RAPGEF5: variants seen among roughly 807,000 people sequenced by gnomAD.
RAPGEF5 encodes Rap guanine nucleotide exchange factor 5.
RAPGEF5 carries 65 observed loss-of-function variants against 125.2 expected under a neutral mutation model. The observed-to-expected ratio is 0.52, with a 90% CI of 0.43 to 0.64. RAPGEF5 has a LOEUF of 0.64. Among genes scored for constraint, RAPGEF5 ranks in the 30% least tolerant of loss-of-function variants. The pLI is 0.00. For synonymous variants in RAPGEF5, 391 were observed against 385.9 expected, an observed-to-expected ratio of 1.01 and a Z score of -0.16; for missense variants, 958 against 1,048.1, an observed-to-expected ratio of 0.91 and a Z score of 1.19.
rs555443369 is a variant in RAPGEF5, at chr7:22,200,587, T to A, written c.997-6554A>T. 9.2e-5 allele frequency among the ~76,000 whole-genome samples: 14 copies of A among 152,344 alleles called. No individual in the cohort carries two copies. In the East Asian group the frequency reaches 2.7e-3, roughly 29 times the overall value. The stretch of plus-strand genomic sequence containing the variant: ...AAGATTAATAGGATTCATCATCATT[T>A]ATAAAATCTAGGTAAAGTCTGACTT... On this transcript the variant is annotated intron_variant, in intron 9 of 25. Transcript: ENST00000665637.
At chr7:22,150,875 T>A (rs926585901) in intron 17 of RAPGEF5, among the ~76,000 whole-genome samples, 4 of 152,236 alleles carry the variant, frequency 2.6e-5, no homozygotes, top group Admixed American at 1.3e-4. Flanking sequence ...TATAACCATG[T>A]ATATATATAC....
chr7:22,151,301 G>A (rs1042174713), intron 17 of RAPGEF5, among the ~76,000 whole-genome samples: 10 of 151,970 alleles, frequency 6.6e-5, no homozygotes, highest in Admixed American at 6.6e-4. Context: ...CAGACACCCA[G>A]TATTAGAATT....
chr7:22,349,745 C>A (rs1479740776), intron 1 of RAPGEF5, among the ~76,000 whole-genome samples: 3 of 152,182 alleles, frequency 2.0e-5, no homozygotes, highest in African/African-American at 7.2e-5. Context: ...ATGTTGTTAT[C>A]CTTTCAAAGT....
intron 6 of RAPGEF5, among the ~76,000 whole-genome samples, chr7:22,276,074 A>T (rs113582433): frequency 3.3e-5 from 5 of 152,352 alleles, no homozygotes; most frequent in African/African-American, 9.6e-5. Context: ...GAATTTCCTG[A>T]TAAATAAAAA....
At chr7:22,176,025 A>G (rs186816438) in intron 11 of RAPGEF5, among the ~76,000 whole-genome samples, 12 of 152,280 alleles carry the variant, frequency 7.9e-5, no homozygotes, top group African/African-American at 2.9e-4. Flanking sequence ...GGTAATCTAT[A>G]AAGGAAAGAC....
At position 22,140,060 on chromosome 7, in the gene RAPGEF5, T is replaced by C; in HGVS notation, c.2242A>G (p.Thr748Ala). 5 of 1,569,250 alleles carry C rather than the reference T, an allele frequency of 3.2e-6. No homozygotes were observed. The highest frequency in any genetic ancestry group is 4.3e-6 in the Non-Finnish European group (5 of 1,156,702). ...TGCGACAGTCGACTGACAGAAGCAG[T>C]GTTGAGACCCATCACAATGGCAAAG... ...SFFAIVMGLN[T>A]ASVSRLSQTW... is the part of the protein sequence containing the mutation. Residue 748 changes from threonine (T) to alanine (A), a missense_variant, in exon 21 of 26, where the codon ACT (threonine) becomes GCT (alanine). Thr to Ala is a moderately conservative substitution (Grantham distance 58). Transcript: ENST00000665637.
At position 22,121,204 on chromosome 7, in the gene RAPGEF5, G is replaced by C. The variant is rs1477132953; in HGVS notation, c.*1202C>G. 1.7e-5 allele frequency: 2 copies of C among 116,606 alleles called. No homozygotes were observed. The highest frequency in any genetic ancestry group is 6.5e-5 in the African/African-American group (2 of 30,738). 7.2% of individuals were successfully genotyped at this position (116,606 alleles called of 1,614,324 possible). A position where few individuals can be genotyped will look rare whatever the true frequency, so the allele number is the denominator to read the frequency against. On this transcript the variant is annotated 3_prime_UTR_variant, in exon 26 of 26. Transcript: ENST00000665637. ...CAATTGGTAAAAATGGGAATAATAA[G>C]ATTTTAGAAGACTCAGATTTTGAAA...
intron 1 of RAPGEF5, among the ~76,000 whole-genome samples, chr7:22,331,744 C>CAAAAAAAA (rs11406166): frequency 5.3e-5 from 5 of 94,732 alleles, no homozygotes; most frequent in East Asian, 6.0e-4. Flanking sequence ...GACTCCATCT[C>CAAAAAAAA]AAAAAAAAAA....
intron 11 of RAPGEF5, among the ~76,000 whole-genome samples, chr7:22,179,896 C>T (rs1784622231): frequency 6.6e-6 from 1 of 152,212 alleles, no homozygotes; most frequent in Non-Finnish European, 1.5e-5. Context: ...GAATAACCCA[C>T]CCCTTGTTTA....
intron 11 of RAPGEF5, among the ~76,000 whole-genome samples, chr7:22,175,554 A>T (rs1193511292): frequency 1.3e-5 from 2 of 152,160 alleles, no homozygotes; most frequent in Non-Finnish European, 2.9e-5. Flanking sequence ...TTCAGCACCA[A>T]TCTGCCAGCA....
intron 5 of RAPGEF5, among the ~76,000 whole-genome samples, chr7:22,300,022 A>T (rs1166896717): frequency 6.6e-6 from 1 of 151,704 alleles, no homozygotes; most frequent in Non-Finnish European, 1.5e-5. Flanking sequence ...TTTGTCTCTC[A>T]CTCAATTTGG....
chr7:22,196,919 A>G (rs1785160264), intron 9 of RAPGEF5, among the ~76,000 whole-genome samples: 1 of 152,208 alleles, frequency 6.6e-6, no homozygotes, highest in African/African-American at 2.4e-5. Flanking sequence ...GAGATTGTTA[A>G]GGAGGAACAG....
intron 8 of RAPGEF5, 91 bp downstream of exon 8, chr7:22,230,755 T>C: frequency 8.3e-7 from 1 of 1,210,236 alleles, no homozygotes; most frequent in Non-Finnish European, 1.2e-6. Context: ...ACATAAAAGG[T>C]AAAACCTATA....
chr7:22,354,087 A>AAAC (rs778472031), intron 1 of RAPGEF5, among the ~76,000 whole-genome samples: 3 of 152,054 alleles, frequency 2.0e-5, no homozygotes, highest in African/African-American at 4.8e-5. Flanking sequence ...AAACAAAACA[A>AAAC]AACAACAACA....
At chr7:22,240,773 G>A (rs1302219860) in intron 7 of RAPGEF5, among the ~76,000 whole-genome samples, 1 of 152,038 alleles carries the variant, frequency 6.6e-6, no homozygotes, top group Non-Finnish European at 1.5e-5. Flanking sequence ...GAGCAGCAAC[G>A]ATTCCTAGAT....
intron 6 of RAPGEF5, among the ~76,000 whole-genome samples, chr7:22,276,566 T>C (rs1035045752): frequency 4.6e-5 from 7 of 152,214 alleles, no homozygotes; most frequent in African/African-American, 9.6e-5. Context: ...AAGACTGATA[T>C]TGGGATAAAC....
intron 18 of RAPGEF5, among the ~76,000 whole-genome samples, chr7:22,148,028 C>T (rs1432343961): frequency 6.6e-6 from 1 of 152,206 alleles, no homozygotes; most frequent in African/African-American, 2.4e-5. Context: ...ACTCAGTCCT[C>T]TCAGCAGCAT....
intron 2 of RAPGEF5, 80 bp from the exon 3 acceptor site, chr7:22,315,556 T>A: frequency 7.0e-6 from 4 of 569,216 alleles, no homozygotes; most frequent in Non-Finnish European, 9.0e-6. Context: ...ACTATATATA[T>A]ATATATATAT....
chr7:22,269,907 A>G (rs571696580), intron 6 of RAPGEF5, among the ~76,000 whole-genome samples: 1 of 152,304 alleles, frequency 6.6e-6, no homozygotes, highest in Admixed American at 6.5e-5. Context: ...GGGATCAGTC[A>G]GATTGGTGGG....
Sources: allele counts gnomAD v4.1 joint callset (sites outside exome capture counted in the v4.1 genomes callset), GRCh38; gene constraint gnomAD v4.1.1; transcripts MANE v1.5; gene names NCBI Gene and HGNC (gene_info 2026-07-23, HGNC 2026-07-21).